The following DAG1 variants were observed in gnomAD, a reference collection of about 807,000 sequenced individuals.
The protein encoded by DAG1 is dystroglycan 1 (dystrophin-associated glycoprotein 1).
Under a neutral mutation model 46.1 loss-of-function variants are expected in DAG1, and 8 were observed. The observed-to-expected ratio is 0.17, with a 90% CI of 0.10 to 0.31. DAG1 has a LOEUF of 0.31. Ranked by LOEUF, DAG1 falls within the 10% of genes least tolerant of loss-of-function variation. The pLI, the probability that DAG1 is intolerant of heterozygous loss-of-function variation, is 1.00. For synonymous variants in DAG1, 495 were observed against 481.8 expected, an observed-to-expected ratio of 1.03 and a Z score of -0.36; for missense variants, 1,003 against 1,189.9, an observed-to-expected ratio of 0.84 and a Z score of 2.31.
chr3:49,495,513 G>T (rs534757679), intron 1 of DAG1, among the ~76,000 whole-genome samples: 2 of 152,050 alleles, frequency 1.3e-5, no homozygotes, highest in African/African-American at 2.4e-5. Context: ...GATGCAACGC[G>T]GGTGCAAGGG....
rs1334827186 is a variant in DAG1 at position 49,535,097 on chromosome 3, G to A, written c.*1898G>A. ...ACTCTGGAGTGAGCAGTGCCCCTGT[G>A]GGGGAGCCTGTAAATGCGGGCTCAG... On this transcript the variant is annotated 3_prime_UTR_variant, in exon 3 of 3. Coordinates refer to ENST00000308775, the MANE Select transcript of DAG1 (RefSeq NM_004393.6). 2 of 152,204 alleles carry A rather than the reference G, an allele frequency of 1.3e-5. No individual in the cohort carries two copies. Among genetic ancestry groups the A allele is most frequent in the African/African-American group, 4.8e-5 (2 of 41,432 alleles). The allele number at this position is 152,204 out of a possible 1,614,324, so 9.4% of individuals were successfully genotyped here. A position where few individuals can be genotyped will look rare whatever the true frequency, so the allele number is the denominator to read the frequency against.
intron 1 of DAG1, among the ~76,000 whole-genome samples, chr3:49,493,753 C>T (rs1039781748): frequency 3.3e-5 from 5 of 152,186 alleles, no homozygotes; most frequent in East Asian, 1.9e-4. Flanking sequence ...AGGAGCCTTG[C>T]GTTCACCAGG....
intron 1 of DAG1, among the ~76,000 whole-genome samples, chr3:49,503,044 T>C (rs2107549842): frequency 6.6e-6 from 1 of 152,346 alleles, no homozygotes; most frequent in Middle Eastern, 3.4e-3. Context: ...TTCCAGTACA[T>C]GGACATTAGG....
intron 1 of DAG1, among the ~76,000 whole-genome samples, chr3:49,496,353 CTTTTTTTT>C (rs752449720): frequency 5.9e-5 from 5 of 84,128 alleles, no homozygotes; most frequent in East Asian, 4.4e-4. Flanking sequence ...AAATTTTTAA[CTTTTTTTT>C]TTTTTTTTTT....
chr3:49,494,498 T>A (rs1365503741), intron 1 of DAG1, among the ~76,000 whole-genome samples: 1 of 152,204 alleles, frequency 6.6e-6, no homozygotes, highest in African/African-American at 2.4e-5. Context: ...ATTGCTAGAT[T>A]AGCATATTAA....
At chr3:49,474,476 G>T (rs1284177904) in intron 1 of DAG1, among the ~76,000 whole-genome samples, 1 of 152,140 alleles carries the variant, frequency 6.6e-6, no homozygotes, top group Non-Finnish European at 1.5e-5. Context: ...CTCCCAAGTG[G>T]CTGGGATTAC....
rs1314659302 is a variant in DAG1, at chr3:49,495,310, C to A, written c.-116-15109C>A. Among the ~76,000 whole-genome samples, 4 of 152,144 alleles carry A rather than the reference C, an allele frequency of 2.6e-5. No homozygotes were observed. In the East Asian group the frequency reaches 7.7e-4, roughly 29 times the overall value. Reference sequence around the variant, plus strand: ...ATTAGTATAAATACTTGGTTTGTTACCACTTGTGTTTCCTGATTTAGTAAT... The same window carrying A: ...ATTAGTATAAATACTTGGTTTGTTAACACTTGTGTTTCCTGATTTAGTAAT... On this transcript the variant is annotated intron_variant, in intron 1 of 2. Transcript: ENST00000308775.
At chr3:49,508,491 C>T (rs1274600526) in intron 1 of DAG1, among the ~76,000 whole-genome samples, 1 of 152,054 alleles carries the variant, frequency 6.6e-6, no homozygotes, top group Non-Finnish European at 1.5e-5. Flanking sequence ...CTCTGCCTAC[C>T]AGGTTCAAGG....
At position 49,532,058 on chromosome 3, in the gene DAG1, T is replaced by G. The variant is rs1192408738; in HGVS notation, c.1547T>G (p.Val516Gly). The G allele has an allele frequency of 6.2e-7, 1 of 1,613,986 alleles. No homozygotes were observed. Among genetic ancestry groups the G allele is most frequent in the African/African-American group, 1.3e-5 (1 of 74,904 alleles). ...GCCTGGGTTGGCACCTACTTTGAGGTGAAGATCCCGTCAGACACTTTCTAT... is the reference window on the plus strand; with the variant it reads ...GCCTGGGTTGGCACCTACTTTGAGGGGAAGATCCCGTCAGACACTTTCTAT... ...VDAWVGTYFE[V>G]KIPSDTFYDH... The change falls in exon 3 of 3, where the codon GTG becomes GGG. Residue 516 changes from valine (V) to glycine (G), a missense_variant. Coordinates refer to ENST00000308775, the MANE Select transcript of DAG1 (RefSeq NM_004393.6). The surrounding 1 kb of genome is among the most constrained non-coding windows in gnomAD (Gnocchi z 5.4).
intron 1 of DAG1, among the ~76,000 whole-genome samples, chr3:49,478,875 G>A (rs532030460): frequency 7.5e-6 from 1 of 132,894 alleles, no homozygotes; most frequent in Admixed American, 8.9e-5. Context: ...GTGCAATGGC[G>A]TAATCTCGGC....
chr3:49,518,846 C>T (rs1339978953), intron 2 of DAG1, among the ~76,000 whole-genome samples: 1 of 152,212 alleles, frequency 6.6e-6, no homozygotes, highest in Non-Finnish European at 1.5e-5. Context: ...GAGACCTGTG[C>T]CATGGGGCCC....
intron 1 of DAG1, among the ~76,000 whole-genome samples, chr3:49,483,658 T>C (rs2049942867): frequency 2.0e-5 from 3 of 149,950 alleles, no homozygotes; most frequent in African/African-American, 7.3e-5. Flanking sequence ...TTATGTGAGG[T>C]ATGATTGAAG....
chr3:49,511,294 C>T (rs1454651700), intron 2 of DAG1, among the ~76,000 whole-genome samples: 1 of 152,180 alleles, frequency 6.6e-6, no homozygotes. Context: ...AAACTTCAGC[C>T]TTGCCCCATA....
rs1194422667 is a variant in DAG1 at position 49,533,183 on chromosome 3, C to T, written c.2672C>T (p.Pro891Leu). The change falls in exon 3 of 3, where the codon CCC (proline) becomes CTC (leucine). Residue 891 changes from proline (P) to leucine (L), a missense_variant. This residue lies in a region of DAG1 where 755 missense variants were observed against 854.1 expected (regional missense o/e 0.88). Coordinates refer to ENST00000308775, the MANE Select transcript of DAG1 (RefSeq NM_004393.6). ...ATGACCCCATACCGGTCACCTCCTC[C>T]CTATGTCCCACCTTAACCCGCAAGC... ...KNMTPYRSPP[P>L]YVPP 3 of 1,613,450 alleles carry T rather than the reference C, an allele frequency of 1.9e-6. No individual in the cohort carries two copies. In the South Asian group the frequency reaches 3.3e-5, roughly 18 times the overall value.
In DAG1 at chr3:49,506,908, T is replaced by A. The variant is rs78026743; in HGVS notation, c.-116-3511T>A. On this transcript the variant is annotated intron_variant, in intron 1 of 2. Transcript: ENST00000308775. ...GGTGGGGACTGCTTGAGCCCAGGAG[T>A]TCAAATCTAGCTTGGGCAATGTAGC... 4.5e-3 allele frequency among the ~76,000 whole-genome samples: 668 copies of A among 150,098 alleles called. 2 individuals carry two copies. The highest frequency in any genetic ancestry group is 7.1e-3 in the Non-Finnish European group (479 of 67,626).
chr3:49,514,742 G>A (rs1305225141), intron 2 of DAG1, among the ~76,000 whole-genome samples: 2 of 151,170 alleles, frequency 1.3e-5, no homozygotes, highest in African/African-American at 4.9e-5. Flanking sequence ...GGGTTCAAGC[G>A]ATTCTCCTGC....
chr3:49,514,312 C>T (rs1432351875), intron 2 of DAG1, among the ~76,000 whole-genome samples: 1 of 151,944 alleles, frequency 6.6e-6, no homozygotes, highest in African/African-American at 2.4e-5. Context: ...CATAAATGTA[C>T]ATTGTGGAAA....
intron 1 of DAG1, among the ~76,000 whole-genome samples, chr3:49,505,981 CTTTT>C (rs71080528): frequency 7.8e-6 from 1 of 128,064 alleles, no homozygotes. Context: ...ATTTTTTTTT[CTTTT>C]TTTTTTTTTT....
rs1575393331 is a variant in DAG1 at position 49,515,676 on chromosome 3, C to T, written c.285+4857C>T. 2.6e-5 allele frequency among the ~76,000 whole-genome samples: 4 copies of T among 152,042 alleles called. 1 individual carries two copies. In the South Asian group the frequency reaches 6.2e-4, roughly 24 times the overall value. On this transcript the variant is annotated intron_variant, in intron 2 of 2. Coordinates refer to ENST00000308775, the MANE Select transcript of DAG1 (RefSeq NM_004393.6). ...GCTAGGATTACAGACATGAGCATCA[C>T]GCCCAGCCTGCCCACTATTCTTGAG...
Sources: allele counts gnomAD v4.1 joint callset (sites outside exome capture counted in the v4.1 genomes callset), GRCh38; gene constraint gnomAD v4.1.1; regional missense constraint gnomAD v4.1.1; non-coding constraint Gnocchi (gnomAD v3.1); transcripts MANE v1.5; gene names NCBI Gene and HGNC (gene_info 2026-07-23, HGNC 2026-07-21).